The following ELF2 variants were observed in gnomAD, a reference collection of about 807,000 sequenced individuals.
The protein encoded by ELF2 is E74 like ETS transcription factor 2, also known as ETS-related transcription factor Elf-2.
A neutral mutation model predicts 54.8 loss-of-function variants in ELF2; 11 were observed. The ratio of observed to expected loss-of-function variants is 0.20; its 90% CI spans 0.13 to 0.33. The LOEUF is 0.33. ELF2 is among the 10% of genes least tolerant of loss of function. The pLI, the probability that ELF2 is intolerant of heterozygous loss-of-function variation, is 1.00. For synonymous variants in ELF2, 203 were observed against 245.1 expected (o/e 0.83, Z 1.61); for missense variants, 513 against 703.0 (o/e 0.73, Z 3.06).
chr4:139,171,531 T>A (rs1560895882), intron 1 of ELF2, among the ~76,000 whole-genome samples: 1 of 151,646 alleles, frequency 6.6e-6, no homozygotes, highest in East Asian at 1.9e-4. Flanking sequence ...CATGAAAAGA[T>A]GCTCAATACT....
At chr4:139,092,252 T>C (rs1732677256) in intron 4 of ELF2, among the ~76,000 whole-genome samples, 1 of 151,160 alleles carries the variant, frequency 6.6e-6, no homozygotes, top group African/African-American at 2.4e-5. Flanking sequence ...TCCCAGCTAT[T>C]TGGGAGGCAG....
At chr4:139,154,505 A>C (rs546931495) in intron 1 of ELF2, among the ~76,000 whole-genome samples, 85 of 152,098 alleles carry the variant, frequency 5.6e-4, no homozygotes, top group African/African-American at 1.9e-3. Flanking sequence ...CAAAAGGAAA[A>C]ACTAAGCTGG....
chr4:139,116,115 T>C (rs1735687311), intron 4 of ELF2, among the ~76,000 whole-genome samples: 1 of 152,232 alleles, frequency 6.6e-6, no homozygotes. Context: ...CTTGAGCCAC[T>C]ATACCTGGCT....
intron 1 of ELF2, among the ~76,000 whole-genome samples, chr4:139,164,178 A>G (rs1560887355): frequency 2.1e-5 from 3 of 145,226 alleles, no homozygotes; most frequent in East Asian, 4.3e-4. Context: ...GAAAGAAAGA[A>G]AGAGAGGGAG....
intron 1 of ELF2, among the ~76,000 whole-genome samples, chr4:139,160,304 T>A (rs991389355): frequency 1.3e-5 from 2 of 152,198 alleles, no homozygotes; most frequent in African/African-American, 4.8e-5. Context: ...AGAATAGCTA[T>A]CTCAGACCTA....
chr4:139,166,824 T>C (rs1011670319), intron 1 of ELF2, among the ~76,000 whole-genome samples: 19 of 151,820 alleles, frequency 1.3e-4, no homozygotes, highest in Non-Finnish European at 2.2e-4. Flanking sequence ...GCCGAGATGG[T>C]GCCACTGCAC....
At chr4:139,170,716 C>CATTAT (rs56747979) in intron 1 of ELF2, among the ~76,000 whole-genome samples, 110,875 of 142,590 alleles carry the variant, frequency 0.78, 42,594 homozygotes, top group East Asian at 0.92. Context: ...TATTACATTA[C>CATTAT]ATTATATTAT....
intron 4 of ELF2, among the ~76,000 whole-genome samples, chr4:139,074,759 CAA>C (rs397957583): frequency 4.3e-5 from 4 of 92,666 alleles, no homozygotes; most frequent in Non-Finnish European, 4.7e-5. Context: ...GACACTGTCT[CAA>C]AAAAAAAAAA....
intron 4 of ELF2, among the ~76,000 whole-genome samples, chr4:139,114,559 T>TCACACACACACACACACA (rs1410927721): frequency 1.5e-4 from 4 of 27,570 alleles, no homozygotes; most frequent in African/African-American, 4.4e-4. Context: ...GAGACTTCAG[T>TCACACACACACACACACA]CTCACACACA....
chr4:139,101,195 T>G (rs1179966303), intron 4 of ELF2, among the ~76,000 whole-genome samples: 1 of 152,182 alleles, frequency 6.6e-6, no homozygotes, highest in African/African-American at 2.4e-5. Flanking sequence ...TTATTAAACC[T>G]TAGGTTATGA....
chr4:139,099,477 C>T (rs1733645830), intron 4 of ELF2, among the ~76,000 whole-genome samples: 1 of 152,186 alleles, frequency 6.6e-6, no homozygotes, highest in African/African-American at 2.4e-5. Flanking sequence ...AGTAAAACTT[C>T]CTAAATACAT....
chr4:139,066,534 A>G (rs1728731257), intron 7 of ELF2: 1 of 152,194 alleles, frequency 6.6e-6, no homozygotes, highest in South Asian at 2.1e-4. Flanking sequence ...AAATTAGGAA[A>G]GCACAGAATG....
intron 4 of ELF2, among the ~76,000 whole-genome samples, chr4:139,093,314 AAAAC>A (rs373277247): frequency 5.8e-4 from 88 of 152,336 alleles, no homozygotes; most frequent in East Asian, 2.1e-3. Flanking sequence ...CCCTCCACAA[AAAAC>A]AAACAAACAA....
chr4:139,162,235 T>G (rs1359680501), intron 1 of ELF2, among the ~76,000 whole-genome samples: 1 of 151,664 alleles, frequency 6.6e-6, no homozygotes, highest in Admixed American at 6.6e-5. Context: ...TAACAAATTA[T>G]GGGCCAGGCA....
At chr4:139,168,422 C>T (rs1453372497) in intron 1 of ELF2, among the ~76,000 whole-genome samples, 1 of 152,192 alleles carries the variant, frequency 6.6e-6, no homozygotes, top group Non-Finnish European at 1.5e-5. Context: ...CAGAATTATA[C>T]TGACCCAACA....
chr4:139,100,007 A>G (rs1475489870), intron 4 of ELF2, among the ~76,000 whole-genome samples: 2 of 152,188 alleles, frequency 1.3e-5, no homozygotes, highest in Admixed American at 6.5e-5. Context: ...GGAGGTCAAG[A>G]GTTTGGATTA....
chr4:139,060,162 TAAC>T (rs761701083), intron 9 of ELF2, among the ~76,000 whole-genome samples, 159 bp downstream of exon 9: 48 of 152,324 alleles, frequency 3.2e-4, no homozygotes, highest in East Asian at 1.3e-3. Flanking sequence ...ACATCTACTT[TAAC>T]AACAATAAAA....
At chr4:139,083,990 C>T (rs976012641) in intron 4 of ELF2, 3 of 1,378,382 alleles carry the variant, frequency 2.2e-6, no homozygotes, top group Non-Finnish European at 2.0e-6. Context: ...TCATTCACTC[C>T]CCCCTTTCCC....
At chr4:139,095,545 C>T (rs1733167822) in intron 4 of ELF2, among the ~76,000 whole-genome samples, 1 of 152,076 alleles carries the variant, frequency 6.6e-6, no homozygotes, top group African/African-American at 2.4e-5. Flanking sequence ...AGTATTTTAT[C>T]CTCAGCAGAT....
Sources: gnomAD v4.1 joint callset for allele counts (sites outside exome capture counted in the v4.1 genomes callset) on GRCh38, gnomAD v4.1.1 for gene constraint, MANE v1.5 for transcripts, NCBI Gene and HGNC (gene_info 2026-07-23, HGNC 2026-07-21) for gene names.